Variants in RALYL observed in about 807,000 individuals in gnomAD.
RALYL encodes RNA-binding Raly-like protein.
In RALYL, 29 loss-of-function variants were observed where a neutral mutation model predicts 35.1. That is an observed-to-expected ratio of 0.83 (90% CI 0.61 to 1.13). The LOEUF (loss-of-function observed/expected upper bound fraction) is 1.13, where lower values mean the gene tolerates loss of function less well. Ranked by LOEUF, RALYL falls within the 50% of genes most tolerant of loss-of-function variation. RALYL has a pLI of 0.00. For synonymous variants in RALYL, 120 were observed against 127.6 expected, an observed-to-expected ratio of 0.94 and a Z score of 0.40; for missense variants, 359 against 360.4, an observed-to-expected ratio of 1.00 and a Z score of 0.03.
intron 4 of RALYL, among the ~76,000 whole-genome samples, chr8:84,839,330 C>G (rs150848722): frequency 1.3e-5 from 2 of 152,244 alleles, no homozygotes; most frequent in East Asian, 1.9e-4. Flanking sequence ...TATCCCGCAC[C>G]TGGCTCGGAA....
rs1435298901 is a variant in RALYL, at chr8:84,184,564, G to A, written c.-24+140G>A. ...CGGGCAGTGTCCGAGCCCGAGGTGG[G>A]GAGAGCGGCGCAGGGAGCCAGGGAA... is the stretch of plus-strand genomic sequence containing the variant. On this transcript the variant is annotated intron_variant, in intron 1 of 8. Transcript: ENST00000521268. The A allele has an allele frequency of 1.7e-5, 3 of 172,466 alleles. No individual in the cohort carries two copies. In the East Asian group the frequency reaches 5.1e-4, roughly 30 times the overall value. The allele number at this position is 172,466 out of a possible 1,614,324, so 10.7% of individuals were successfully genotyped here. A position where few individuals can be genotyped will look rare whatever the true frequency, so the allele number is the denominator to read the frequency against.
chr8:84,710,530 G>A (rs371794233), intron 2 of RALYL, among the ~76,000 whole-genome samples: 146 of 152,172 alleles, frequency 9.6e-4, no homozygotes, highest in African/African-American at 3.2e-3. Flanking sequence ...TTGAACTCCT[G>A]ACCTCAGGTG....
At chr8:84,764,071 T>C (rs1234500912) in intron 2 of RALYL, among the ~76,000 whole-genome samples, 1 of 152,198 alleles carries the variant, frequency 6.6e-6, no homozygotes, top group Non-Finnish European at 1.5e-5. Flanking sequence ...TCCTGGTAGA[T>C]GTGGTTCGAT....
At chr8:84,763,474 G>T (rs1365243125) in intron 2 of RALYL, among the ~76,000 whole-genome samples, 2 of 152,136 alleles carry the variant, frequency 1.3e-5, no homozygotes, top group African/African-American at 4.8e-5. Context: ...TTCACCATGT[G>T]ATTTTTAGTC....
chr8:84,216,811 C>G (rs1820943448), intron 1 of RALYL, among the ~76,000 whole-genome samples: 1 of 152,128 alleles, frequency 6.6e-6, no homozygotes, highest in African/African-American at 2.4e-5. Context: ...TAAACAGCTA[C>G]ATATGGCCAG....
At chr8:84,773,888 G>A (rs997990939) in intron 2 of RALYL, among the ~76,000 whole-genome samples, 2 of 152,182 alleles carry the variant, frequency 1.3e-5, no homozygotes, top group Non-Finnish European at 1.5e-5. Flanking sequence ...AGCGAAAAAT[G>A]AAAATCAGAA....
intron 2 of RALYL, among the ~76,000 whole-genome samples, chr8:84,709,217 C>T (rs1841740663): frequency 6.6e-6 from 1 of 152,024 alleles, no homozygotes. Flanking sequence ...ATCTCTAACC[C>T]TCATTGCCTC....
intron 2 of RALYL, among the ~76,000 whole-genome samples, chr8:84,713,830 A>G (rs1842559271): frequency 6.7e-6 from 1 of 148,580 alleles, no homozygotes; most frequent in Admixed American, 6.7e-5. Flanking sequence ...TGGAATCAAC[A>G]TAAATGTCCA....
chr8:84,457,796 C>T (rs773839106), intron 1 of RALYL, among the ~76,000 whole-genome samples: 7 of 151,878 alleles, frequency 4.6e-5, no homozygotes, highest in Non-Finnish European at 7.4e-5. Context: ...TTAAGTCAGA[C>T]CAAATTAGAA....
intron 2 of RALYL, among the ~76,000 whole-genome samples, chr8:84,707,474 G>A (rs1166877940): frequency 2.0e-5 from 3 of 151,960 alleles, no homozygotes; most frequent in Non-Finnish European, 4.4e-5. Flanking sequence ...TGGAAAATAA[G>A]AGATTCACAG....
chr8:84,309,982 CT>C (rs1447142870), intron 1 of RALYL, among the ~76,000 whole-genome samples: 2 of 152,110 alleles, frequency 1.3e-5, no homozygotes, highest in Non-Finnish European at 2.9e-5. Context: ...CTGCCTTGGG[CT>C]CCCAAAGTGC....
In RALYL at chr8:84,640,660, A is replaced by T. The variant is rs577878480; in HGVS notation, c.256+111083A>T. Among the ~76,000 whole-genome samples the T allele has an allele frequency of 5.9e-5, 9 of 152,086 alleles. 2 individuals are homozygous for T. The South Asian group carries it at 1.9e-3, about 31-fold the overall frequency. On this transcript the variant is annotated intron_variant, in intron 2 of 8. Transcript: ENST00000521268. ...AGGCCACAACAATAGTTACAACTGG[A>T]GGAAAAAACTTACAGAAGCTGATGA...
intron 1 of RALYL, among the ~76,000 whole-genome samples, chr8:84,431,814 C>T (rs1383356793): frequency 6.6e-6 from 1 of 152,084 alleles, no homozygotes; most frequent in African/African-American, 2.4e-5. Context: ...AAGTTGATTT[C>T]ATATCTTGGC....
At chr8:84,314,377 A>T (rs1291930475) in intron 1 of RALYL, among the ~76,000 whole-genome samples, 1 of 152,134 alleles carries the variant, frequency 6.6e-6, no homozygotes. Context: ...TAAATTGAGC[A>T]AATAAAAAGA....
At chr8:84,187,738 A>G (rs1812884213) in intron 1 of RALYL, among the ~76,000 whole-genome samples, 1 of 152,116 alleles carries the variant, frequency 6.6e-6, no homozygotes, top group Non-Finnish European at 1.5e-5. Context: ...AGAAATGTGA[A>G]ATATTTGGAT....
At chr8:84,881,642 A>G (rs920637986) in intron 7 of RALYL, among the ~76,000 whole-genome samples, 2 of 152,008 alleles carry the variant, frequency 1.3e-5, no homozygotes, top group Non-Finnish European at 2.9e-5. Context: ...ATATTTGAAT[A>G]TGAGGATTGG....
chr8:84,282,737 T>G (rs1292308135), intron 1 of RALYL, among the ~76,000 whole-genome samples: 1 of 105,600 alleles, frequency 9.5e-6, no homozygotes, highest in Non-Finnish European at 2.0e-5. Context: ...TGTATCTATA[T>G]ATGTGTATGC....
At chr8:84,400,543 G>A (rs2042784977) in intron 1 of RALYL, among the ~76,000 whole-genome samples, 1 of 152,184 alleles carries the variant, frequency 6.6e-6, no homozygotes, top group Admixed American at 6.5e-5. Flanking sequence ...AGTGCTCAGT[G>A]TCTTATTGCC....
chr8:84,878,114 C>T (rs543879699), intron 7 of RALYL, among the ~76,000 whole-genome samples: 1 of 152,278 alleles, frequency 6.6e-6, no homozygotes, highest in African/African-American at 2.4e-5. Context: ...GGTTGAAAGT[C>T]TGTTTAGGAA....
Sources: allele counts gnomAD v4.1 joint callset (sites outside exome capture counted in the v4.1 genomes callset), GRCh38; gene constraint gnomAD v4.1.1; transcripts MANE v1.5; gene names NCBI Gene and HGNC (gene_info 2026-07-23, HGNC 2026-07-21).